MICB: variants seen among roughly 807,000 people sequenced by gnomAD.
MICB encodes MHC class I polypeptide-related sequence B.
A neutral mutation model predicts 34.3 loss-of-function variants in MICB; 27 were observed. That is an observed-to-expected ratio of 0.79 (90% CI 0.58 to 1.08). The LOEUF is 1.08. MICB is among the 50% of genes least tolerant of loss of function. The pLI, the probability that MICB is intolerant of heterozygous loss-of-function variation, is 0.00. For synonymous variants in MICB, 153 were observed against 187.4 expected, an observed-to-expected ratio of 0.82 and a Z score of 1.50; for missense variants, 426 against 483.1, an observed-to-expected ratio of 0.88 and a Z score of 1.11.
chr6:31,505,940 C>G, intron 2 of MICB, 69 bp downstream of exon 2: 1 of 1,516,370 alleles, frequency 6.6e-7, no homozygotes, highest in Non-Finnish European at 8.9e-7. Flanking sequence ...AGAGCAGGGA[C>G]CTGTCTCTTC....
At position 31,507,676 on chromosome 6, in the gene MICB, A is replaced by G. The variant is rs1031939575; in HGVS notation, c.1024+145A>G. ...CTGGGGTATTTGGGAGGGGAATGGG[A>G]GCTGCATCTCCATCTACACCCATAA... On this transcript the variant is annotated intron_variant, in intron 5 of 5. Coordinates refer to ENST00000252229, the MANE Select transcript of MICB (RefSeq NM_005931.5). The surrounding 1 kb of genome is among the most constrained non-coding windows in gnomAD (Gnocchi z 6.0). 2 of 969,068 alleles carry G rather than the reference A, an allele frequency of 2.1e-6. No individual in the cohort carries two copies. Among genetic ancestry groups the G allele is most frequent in the African/African-American group, 3.3e-5 (2 of 60,842 alleles). The allele number at this position is 969,068 out of a possible 1,614,324, so 60.0% of individuals were successfully genotyped here.
chr6:31,498,128 G>C (rs2516497), upstream of MICB: 3 of 1,371,006 alleles, frequency 2.2e-6, no homozygotes, highest in Non-Finnish European at 3.0e-6. Flanking sequence ...TTTCGACGGG[G>C]TCTTCTCACG....
chr6:31,500,900 T>G (rs1390221909), intron 1 of MICB, among the ~76,000 whole-genome samples: 1 of 152,216 alleles, frequency 6.6e-6, no homozygotes, highest in Admixed American at 6.5e-5. Context: ...GAAAAGTAGA[T>G]AGCTCTTTAA....
intron 1 of MICB, among the ~76,000 whole-genome samples, chr6:31,501,595 G>T (rs183328698): frequency 1.2e-3 from 177 of 152,166 alleles, no homozygotes; most frequent in Admixed American, 2.7e-3. Context: ...AATCCTTTTT[G>T]ATTGGATTTT....
upstream of MICB, among the ~76,000 whole-genome samples, chr6:31,497,835 G>A (rs1335341944): frequency 2.0e-5 from 3 of 152,194 alleles, no homozygotes; most frequent in African/African-American, 7.2e-5. Flanking sequence ...GCGGGGATGG[G>A]GTGGTCGCGA....
intron 1 of MICB, among the ~76,000 whole-genome samples, chr6:31,503,869 T>C (rs1366078125): frequency 6.6e-6 from 1 of 152,098 alleles, no homozygotes; most frequent in Non-Finnish European, 1.5e-5. Flanking sequence ...CCATAGTGTT[T>C]TCCATTGCAG....
At chr6:31,508,669 G>T (rs543896008) in intron 5 of MICB, among the ~76,000 whole-genome samples, 2 of 152,208 alleles carry the variant, frequency 1.3e-5, no homozygotes, top group Non-Finnish European at 2.9e-5. Context: ...CCTGTGGGCA[G>T]GAATGGTTTC....
chr6:31,506,659 A>G (rs1765347655), intron 3 of MICB, among the ~76,000 whole-genome samples: 1 of 152,176 alleles, frequency 6.6e-6, no homozygotes, highest in Non-Finnish European at 1.5e-5. Flanking sequence ...CTCTGACAGA[A>G]GCCTGAGCCT....
intron 1 of MICB, among the ~76,000 whole-genome samples, chr6:31,501,023 T>A (rs1224828436): frequency 6.6e-6 from 1 of 152,194 alleles, no homozygotes; most frequent in Non-Finnish European, 1.5e-5. Context: ...TTTCCCACAG[T>A]GGTTATACTA....
intron 5 of MICB, among the ~76,000 whole-genome samples, chr6:31,508,331 C>A (rs1765470435): frequency 1.3e-5 from 2 of 152,164 alleles, no homozygotes; most frequent in Non-Finnish European, 2.9e-5. Context: ...AGAAGCATTT[C>A]CCCCACAGTC....
chr6:31,507,359 G>A lies in MICB; in HGVS notation c.893-41G>A, dbSNP rs1765410517. On this transcript the variant is annotated intron_variant, in intron 4 of 5. Coordinates refer to ENST00000252229, the MANE Select transcript of MICB (RefSeq NM_005931.5). The surrounding 1 kb of genome is among the most constrained non-coding windows in gnomAD (Gnocchi z 6.0). ...CAGGGTAGGAACAGCAAGGACGGCT[G>A]TGGCTCTCTGCCCAGTGTATAACAA... 1.2e-6 allele frequency: 2 copies of A among 1,613,756 alleles called. No homozygotes were observed. The highest frequency in any genetic ancestry group is 4.5e-5 in the East Asian group (2 of 44,888).
In MICB at chr6:31,498,163, G is replaced by A; in HGVS notation, c.-31G>A. On this transcript the variant is annotated 5_prime_UTR_variant, in exon 1 of 6. Coordinates refer to ENST00000252229, the MANE Select transcript of MICB (RefSeq NM_005931.5). ...GGGTTTCATTCAGTTGGCCACTGCT[G>A]AGCAGCTGAGAAGGTGGCGACGTAG... 6.4e-7 allele frequency: 1 copy of A among 1,562,436 alleles called. No individual in the cohort carries two copies. Among genetic ancestry groups the A allele is most frequent in the Non-Finnish European group, 8.7e-7 (1 of 1,149,776 alleles).
At position 31,506,712 on chromosome 6, in the gene MICB, C is replaced by T. The variant is rs574165365; in HGVS notation, c.613+282C>T. Among the ~76,000 whole-genome samples, 68 of 152,226 alleles carry T rather than the reference C, an allele frequency of 4.5e-4. 1 individual carries two copies. The highest frequency in any genetic ancestry group is 6.8e-3 in the Middle Eastern group (2 of 294). ...GGAGAGGAAGCCCTCAGGGCCAGGG[C>T]TGCCCCCTCTGCCTCCCGGCCTGCC... On this transcript the variant is annotated intron_variant, in intron 3 of 5. Transcript: ENST00000252229.
chr6:31,508,447 A>G (rs1765476504), intron 5 of MICB, among the ~76,000 whole-genome samples: 1 of 152,192 alleles, frequency 6.6e-6, no homozygotes. Flanking sequence ...AGGAGACCTG[A>G]GTCTGGCGGT....
chr6:31,508,348 T>C (rs1446232696), intron 5 of MICB, among the ~76,000 whole-genome samples: 1 of 152,136 alleles, frequency 6.6e-6, no homozygotes, highest in Non-Finnish European at 1.5e-5. Context: ...AGTCAGGTTG[T>C]TTGATGGGAG....
At chr6:31,497,160 G>T (rs1764712083), upstream of MICB, among the ~76,000 whole-genome samples, 1 of 152,134 alleles carries the variant, frequency 6.6e-6, no homozygotes, top group Admixed American at 6.5e-5. Context: ...TAAGACTATG[G>T]CTGTGGGATT....
upstream of MICB, among the ~76,000 whole-genome samples, chr6:31,495,944 A>T (rs2150272207): frequency 6.6e-6 from 1 of 152,376 alleles, no homozygotes; most frequent in African/African-American, 2.4e-5. Flanking sequence ...CACAGTCGGT[A>T]CCATCAGGAA....
rs1222793381 is a variant in MICB at position 31,507,183 on chromosome 6, G to A, written c.775G>A (p.Asp259Asn). ...NTQQWGDVLP[D>N]GNGTYQTWVA... ...CCAGCAGTGGGGGGATGTCCTGCCT[G>A]ATGGGAATGGAACCTACCAGACCTG... Residue 259 changes from aspartate (D) to asparagine (N), a missense_variant, in exon 4 of 6, where the codon GAT becomes AAT. Transcript: ENST00000252229. This position sits in a 1 kb window ranked among gnomAD's most constrained non-coding sequence, Gnocchi z 6.0. 7 of 1,614,024 alleles carry A rather than the reference G, an allele frequency of 4.3e-6. No homozygotes were observed. The highest frequency in any genetic ancestry group is 5.9e-6 in the Non-Finnish European group (7 of 1,180,024).
chr6:31,508,535 G>A (rs1454353999), intron 5 of MICB, among the ~76,000 whole-genome samples: 1 of 152,094 alleles, frequency 6.6e-6, no homozygotes, highest in Non-Finnish European at 1.5e-5. Context: ...GGGAAGGTTC[G>A]TCCCCTGCCC....
Sources: allele counts gnomAD v4.1 joint callset (sites outside exome capture counted in the v4.1 genomes callset), GRCh38; gene constraint gnomAD v4.1.1; non-coding constraint Gnocchi (gnomAD v3.1); transcripts MANE v1.5; gene names NCBI Gene and HGNC (gene_info 2026-07-23, HGNC 2026-07-21).